Variants in CELF5 observed in about 807,000 individuals in gnomAD.
CELF5 encodes the protein CUG-BP and ETR-3 like factor 5.
CELF5 carries 6 observed loss-of-function variants against 54.9 expected under a neutral mutation model. The ratio of observed to expected loss-of-function variants is 0.11; its 90% confidence interval spans 0.06 to 0.22. The LOEUF is 0.22. CELF5 is among the 10% of genes least tolerant of loss of function. The pLI is 1.00. For synonymous variants in CELF5, 271 were observed against 290.9 expected, an observed-to-expected ratio of 0.93 and a Z score of 0.70; for missense variants, 401 against 678.6, an observed-to-expected ratio of 0.59 and a Z score of 4.54.
rs2145264220 is a variant in CELF5 at position 3,281,414 on chromosome 19, G to T, written c.750+69G>T. The T allele has an allele frequency of 6.6e-7, 1 of 1,517,742 alleles. No individual in the cohort carries two copies. The allele number at this position is 1,517,742 out of a possible 1,614,324, so 94.0% of individuals were successfully genotyped here. ...CTCAGTCTCTGTCTACTCTCTGTCG[G>T]GCTCCTGCCTCTCCCTCCATCTCCC... is the stretch of plus-strand genomic sequence containing the variant. On this transcript the variant is annotated intron_variant, in intron 6 of 12. Coordinates refer to ENST00000292672, the MANE Select transcript of CELF5 (RefSeq NM_021938.4). This position sits in a 1 kb window ranked among gnomAD's most constrained non-coding sequence, Gnocchi z 6.5.
At chr19:3,234,693 G>A (rs1338542022) in intron 1 of CELF5, among the ~76,000 whole-genome samples, 2 of 151,996 alleles carry the variant, frequency 1.3e-5, no homozygotes, top group Non-Finnish European at 2.9e-5. Flanking sequence ...ACAAAACCTG[G>A]GAATGCCCTT....
chr19:3,292,439 A>G (rs1020893712), intron 11 of CELF5, among the ~76,000 whole-genome samples: 2 of 150,140 alleles, frequency 1.3e-5, no homozygotes, highest in African/African-American at 4.9e-5. Context: ...GGACACTACC[A>G]TGCGTAGCTA....
chr19:3,233,483 T>C (rs144828360), intron 1 of CELF5, among the ~76,000 whole-genome samples: 1 of 152,286 alleles, frequency 6.6e-6, no homozygotes, highest in Non-Finnish European at 1.5e-5. Context: ...ACAGCTTTCC[T>C]TGGGGGCCAG....
At chr19:3,225,035 TC>T in intron 1 of CELF5, 37 bp downstream of exon 1, 1 of 1,014,928 alleles carries the variant, frequency 9.9e-7, no homozygotes, top group South Asian at 1.6e-5. Context: ...TCCCCCTCCC[TC>T]CGCCTCCCAC....
chr19:3,266,978 G>A (rs939145523), intron 2 of CELF5, among the ~76,000 whole-genome samples: 2 of 152,296 alleles, frequency 1.3e-5, no homozygotes, highest in Admixed American at 1.3e-4. Context: ...GCACAGCCTG[G>A]GAGTCGGGGA....
chr19:3,248,447 G>A (rs942997322), intron 1 of CELF5, among the ~76,000 whole-genome samples: 1 of 151,930 alleles, frequency 6.6e-6, no homozygotes, highest in Non-Finnish European at 1.5e-5. Flanking sequence ...TGGCTCTGTG[G>A]TCCTCCTATG....
intron 2 of CELF5, among the ~76,000 whole-genome samples, chr19:3,255,131 C>T (rs2079705443): frequency 2.0e-5 from 3 of 152,240 alleles, no homozygotes; most frequent in African/African-American, 4.8e-5. Flanking sequence ...CTCCTGTGGC[C>T]GTCCCCCAGT....
intron 12 of CELF5, chr19:3,295,135 T>G (rs1440705840): frequency 6.6e-6 from 1 of 152,494 alleles, no homozygotes; most frequent in Non-Finnish European, 1.5e-5. Context: ...ACACCAGCCC[T>G]TTCCTCCCCT....
At chr19:3,230,102 T>TCATC (rs1917185195) in intron 1 of CELF5, among the ~76,000 whole-genome samples, 1 of 152,070 alleles carries the variant, frequency 6.6e-6, no homozygotes, top group African/African-American at 2.4e-5. Flanking sequence ...ATTCATTCAT[T>TCATC]CATTCATTCA....
chr19:3,250,260 G>C (rs563252122), intron 1 of CELF5, among the ~76,000 whole-genome samples: 1 of 152,254 alleles, frequency 6.6e-6, no homozygotes, highest in East Asian at 1.9e-4. Context: ...AGGCCGAGGC[G>C]GGCAGATCAC....
chr19:3,262,087 T>G (rs1317642737), intron 2 of CELF5, among the ~76,000 whole-genome samples: 1 of 152,194 alleles, frequency 6.6e-6, no homozygotes, highest in African/African-American at 2.4e-5. Context: ...CAGGCTGGCG[T>G]GCAGTGGCGT....
intron 1 of CELF5, among the ~76,000 whole-genome samples, chr19:3,244,688 AGT>A (rs143649074): frequency 0.088 from 11,581 of 131,982 alleles, 1,046 homozygotes; most frequent in East Asian, 0.47. Flanking sequence ...TCGTGTGTGT[AGT>A]GTGTGGTGTG....
At chr19:3,235,678 ATGTGTGGATGGG>A (rs1599388563) in intron 1 of CELF5, among the ~76,000 whole-genome samples, 107 of 52,468 alleles carry the variant, frequency 2.0e-3, no homozygotes, top group East Asian at 3.8e-3. Flanking sequence ...GGATGGATGG[ATGTGTGGATGGG>A]TGGATGGATG....
chr19:3,271,815 A>T (rs556977814), intron 2 of CELF5, among the ~76,000 whole-genome samples: 46 of 152,170 alleles, frequency 3.0e-4, no homozygotes, highest in African/African-American at 1.1e-3. Flanking sequence ...AACGGGTCTT[A>T]GAGAAGGTGT....
intron 9 of CELF5, 47 bp downstream of exon 9, chr19:3,285,011 G>GCCCAGGGCCCCGCC (rs1387189697): frequency 5.0e-6 from 7 of 1,408,548 alleles, no homozygotes; most frequent in Non-Finnish European, 6.8e-6. Flanking sequence ...CCCCGCCCCC[G>GCCCAGGGCCCCGCC]CCTAGGGCCC....
intron 11 of CELF5, among the ~76,000 whole-genome samples, chr19:3,290,858 G>A (rs916970077): frequency 6.6e-6 from 1 of 151,160 alleles, no homozygotes; most frequent in Non-Finnish European, 1.5e-5. Context: ...GATCCACTGC[G>A]CCTGGCCAAT....
At chr19:3,245,412 G>A (rs902848303) in intron 1 of CELF5, among the ~76,000 whole-genome samples, 25 of 148,300 alleles carry the variant, frequency 1.7e-4, no homozygotes, top group African/African-American at 5.7e-4. Flanking sequence ...GTGTGTGTGT[G>A]GTGTGTGGTG....
In CELF5 at chr19:3,240,455, G is replaced by A. The variant is rs1382089250; in HGVS notation, c.260-10530G>A. Among the ~76,000 whole-genome samples the A allele has an allele frequency of 5.9e-5, 9 of 151,604 alleles. No individual in the cohort carries two copies. In the East Asian group the frequency reaches 1.6e-3, roughly 26 times the overall value. On this transcript the variant is annotated intron_variant, in intron 1 of 12. Transcript: ENST00000292672. ...TCATTCTTGTGCCTCAGCCTCCTAC[G>A]TAGCTGGGACTACAAGCATGAACCA...
intron 2 of CELF5, among the ~76,000 whole-genome samples, chr19:3,271,878 G>T (rs542363268): frequency 6.6e-6 from 1 of 152,246 alleles, no homozygotes; most frequent in African/African-American, 2.4e-5. Context: ...CCCAAAATGG[G>T]GAGGAGGCAT....
Sources: allele counts gnomAD v4.1 joint callset (sites outside exome capture counted in the v4.1 genomes callset), GRCh38; gene constraint gnomAD v4.1.1; non-coding constraint Gnocchi (gnomAD v3.1); transcripts MANE v1.5; gene names NCBI Gene and HGNC (gene_info 2026-07-23, HGNC 2026-07-21).